The following EXD3 variants were observed in gnomAD, a reference collection of about 807,000 sequenced individuals.
EXD3 encodes the protein exonuclease mut-7 homolog.
In EXD3, 92 loss-of-function variants were observed where a neutral mutation model predicts 98.0. That is an observed-to-expected ratio of 0.94 (90% CI 0.79 to 1.12). EXD3 has a LOEUF of 1.12. Ranked by LOEUF, EXD3 falls within the 50% of genes most tolerant of loss-of-function variation. EXD3 has a pLI of 0.00. For synonymous variants in EXD3, 569 were observed against 526.0 expected (o/e 1.08, Z -1.12); for missense variants, 1,222 against 1,191.6 (o/e 1.03, Z -0.38).
intron 3 of EXD3, chr9:137,374,747 C>G: frequency 4.1e-6 from 4 of 985,498 alleles, no homozygotes; most frequent in Non-Finnish European, 3.6e-6. Context: ...AAGGCAGCTT[C>G]TCTGTCCCTC....
At chr9:137,330,560 G>T (rs1272155871) in intron 17 of EXD3, among the ~76,000 whole-genome samples, 4 of 140,446 alleles carry the variant, frequency 2.8e-5, no homozygotes, top group African/African-American at 1.1e-4. Flanking sequence ...GAGCTACACA[G>T]GGCTCCACAG....
Position 137,348,217 on chromosome 9 carries a change from ACACAGC to A in EXD3, c.1846_1851del (p.Ala616_Val617del). 1 of 1,611,058 alleles carries A rather than the reference ACACAGC, an allele frequency of 6.2e-7. No individual in the cohort carries two copies. Among genetic ancestry groups the A allele is most frequent in the Non-Finnish European group, 8.5e-7 (1 of 1,179,484 alleles). On this transcript the variant is annotated inframe_deletion, in exon 17 of 22. Coordinates refer to ENST00000340951, the MANE Select transcript of EXD3 (RefSeq NM_017820.5). ...GGAATCTGAGGGGCAGCGCCCTCAG[ACACAGC>A]CACAGCCACAGGGACCTGCAGTGAG...
chr9:137,307,461 C>A lies in EXD3; in HGVS notation c.2317+147G>T, dbSNP rs111909132. 2,944 of 1,268,582 alleles carry A rather than the reference C, an allele frequency of 2.3e-3. 42 individuals are homozygous for A. The African/African-American group carries it at 0.031, about 13-fold the overall frequency. The allele number at this position is 1,268,582 out of a possible 1,614,324, so 78.6% of individuals were successfully genotyped here. ...CACTTCTCCTATCCAGGGACCCCAC[C>A]CCTCACCTTGCAGGCCCTAGGGCCT... On this transcript the variant is annotated intron_variant, in intron 21 of 21. Coordinates refer to ENST00000340951, the MANE Select transcript of EXD3 (RefSeq NM_017820.5).
At chr9:137,366,257 C>G (rs568195782) in intron 7 of EXD3, 1 of 710,986 alleles carries the variant, frequency 1.4e-6, no homozygotes. Flanking sequence ...TTTCGTTCTT[C>G]TAAGAGCAGT....
intron 17 of EXD3, among the ~76,000 whole-genome samples, chr9:137,330,551 AG>A (rs770621126): frequency 6.0e-4 from 62 of 103,760 alleles, no homozygotes; most frequent in South Asian, 1.8e-3. Flanking sequence ...GCTACACAGG[AG>A]CTACACAGGG....
intron 20 of EXD3, among the ~76,000 whole-genome samples, chr9:137,308,996 C>T (rs1831216005): frequency 6.6e-6 from 1 of 152,098 alleles, no homozygotes; most frequent in Non-Finnish European, 1.5e-5. Flanking sequence ...CGTGCCAGCC[C>T]CCGACTGAGG....
At chr9:137,336,629 G>A (rs1337732003) in intron 17 of EXD3, among the ~76,000 whole-genome samples, 1 of 139,846 alleles carries the variant, frequency 7.2e-6, no homozygotes, top group East Asian at 2.1e-4. Flanking sequence ...CTGCACTCCA[G>A]CCTGGGTGAC....
rs2119207332 is a variant in EXD3, at chr9:137,347,984, G to A, written c.1998+87C>T. ...GCTGGCAGCCATGGATGAGCTGGAG[G>A]GAGGAGTTTGATGCTAGGGGTGGGC... On this transcript the variant is annotated intron_variant, in intron 17 of 21. Transcript: ENST00000340951. This position sits in a 1 kb window ranked among gnomAD's most constrained non-coding sequence, Gnocchi z 4.2. The A allele has an allele frequency of 2.8e-6, 4 of 1,415,474 alleles. No homozygotes were observed. The East Asian group carries it at 7.5e-5, about 27-fold the overall frequency. 87.7% of individuals were successfully genotyped at this position (1,415,474 alleles called of 1,614,324 possible). A position where few individuals can be genotyped will look rare whatever the true frequency, so the allele number is the denominator to read the frequency against.
At chr9:137,317,251 G>A (rs947134081) in intron 19 of EXD3, among the ~76,000 whole-genome samples, 2 of 152,136 alleles carry the variant, frequency 1.3e-5, no homozygotes, top group African/African-American at 2.4e-5. Context: ...AAAATGTGGC[G>A]ACTGGACACA....
chr9:137,370,022 C>A (rs1435536333), intron 5 of EXD3, among the ~76,000 whole-genome samples: 1 of 152,172 alleles, frequency 6.6e-6, no homozygotes, highest in Non-Finnish European at 1.5e-5. Context: ...TGTGGCCTCG[C>A]AGCTTGGGGG....
intron 12 of EXD3, 30 bp downstream of exon 12, chr9:137,352,036 G>A (rs546491702): frequency 3.2e-5 from 51 of 1,588,896 alleles, no homozygotes; most frequent in East Asian, 3.0e-4. Flanking sequence ...TCCCACCACC[G>A]GGCGCTGCCC....
chr9:137,339,656 T>C (rs1000655928), intron 17 of EXD3, among the ~76,000 whole-genome samples: 1 of 151,966 alleles, frequency 6.6e-6, no homozygotes, highest in Non-Finnish European at 1.5e-5. Context: ...AAAGGAAAAA[T>C]AACCTTATGA....
intron 17 of EXD3, among the ~76,000 whole-genome samples, chr9:137,335,466 G>T (rs1588286758): frequency 6.6e-6 from 1 of 152,114 alleles, no homozygotes; most frequent in Non-Finnish European, 1.5e-5. Flanking sequence ...GGATCACGAG[G>T]TCAGGAGTTC....
intron 7 of EXD3, among the ~76,000 whole-genome samples, chr9:137,358,652 C>T (rs1018214069): frequency 2.6e-5 from 4 of 152,138 alleles, no homozygotes; most frequent in African/African-American, 9.7e-5. Flanking sequence ...GTTTAACTGC[C>T]ACTTTAAACT....
At chr9:137,420,796 T>C (rs1838480592) in intron 1 of EXD3, among the ~76,000 whole-genome samples, 1 of 140,728 alleles carries the variant, frequency 7.1e-6, no homozygotes, top group African/African-American at 2.6e-5. Context: ...AGCCACTGGC[T>C]TGGCTTCCTA....
intron 1 of EXD3, among the ~76,000 whole-genome samples, chr9:137,398,400 C>T (rs749756796): frequency 3.1e-4 from 47 of 152,216 alleles, no homozygotes; most frequent in Non-Finnish European, 5.1e-4. Context: ...CCCCGAAGTT[C>T]ACCTCCTAGT....
At chr9:137,317,515 C>G (rs1831750218) in intron 19 of EXD3, among the ~76,000 whole-genome samples, 1 of 152,116 alleles carries the variant, frequency 6.6e-6, no homozygotes. Context: ...GTCCTCCATC[C>G]CCAGGGGCCA....
Position 137,327,695 on chromosome 9 carries a change from T to C in EXD3, c.1999-3552A>G, listed in dbSNP as rs76270752. ...CTATATGATGAGTAAAAAACTGATA[T>C]ACACTCATATGATGAGTAAAAACAA... is the stretch of plus-strand genomic sequence containing the variant. On this transcript the variant is annotated intron_variant, in intron 17 of 21. Transcript: ENST00000340951. Among the ~76,000 whole-genome samples the C allele has an allele frequency of 3.7e-3, 406 of 109,124 alleles. 109 individuals are homozygous for C. Among genetic ancestry groups the C allele is most frequent in the African/African-American group, 0.013 (389 of 29,338 alleles). 71.6% of individuals were successfully genotyped at this position (109,124 alleles called of 152,430 possible). A position where few individuals can be genotyped will look rare whatever the true frequency, so the allele number is the denominator to read the frequency against.
rs1564480910 is a variant in EXD3 at position 137,330,029 on chromosome 9, A to AGGACTACACCGGAGCTACACG, written c.1999-5907_1999-5887dup. Among the ~76,000 whole-genome samples, 51 of 139,790 alleles carry AGGACTACACCGGAGCTACACG rather than the reference A, an allele frequency of 3.6e-4. 5 individuals are homozygous for AGGACTACACCGGAGCTACACG. The South Asian group carries it at 7.3e-3, about 20-fold the overall frequency. The allele number at this position is 139,790 out of a possible 152,430, so 91.7% of individuals were successfully genotyped here. ...TACACAGGACTACACAGGACTACAC[A>AGGACTACACCGGAGCTACACG]GGACTACACCGGAGCTACACGGGAC... On this transcript the variant is annotated intron_variant, in intron 17 of 21. Coordinates refer to ENST00000340951, the MANE Select transcript of EXD3 (RefSeq NM_017820.5).
Sources: allele counts gnomAD v4.1 joint callset (sites outside exome capture counted in the v4.1 genomes callset), GRCh38; gene constraint gnomAD v4.1.1; non-coding constraint Gnocchi (gnomAD v3.1); transcripts MANE v1.5; gene names NCBI Gene and HGNC (gene_info 2026-07-23, HGNC 2026-07-21).